The following EFCAB8 variants were observed in gnomAD, a reference collection of about 807,000 sequenced individuals.
EFCAB8 encodes EF-hand calcium-binding domain-containing protein 8.
A neutral mutation model predicts 116.3 loss-of-function variants in EFCAB8; 100 were observed. The observed-to-expected ratio is 0.86, with a 90% CI of 0.73 to 1.02. EFCAB8 has a LOEUF of 1.02. Ranked by LOEUF, EFCAB8 falls within the 50% of genes least tolerant of loss-of-function variation. The pLI is 0.00. For synonymous variants in EFCAB8, 558 were observed against 567.9 expected, an observed-to-expected ratio of 0.98 and a Z score of 0.25; for missense variants, 1,320 against 1,416.9, an observed-to-expected ratio of 0.93 and a Z score of 1.10.
At chr20:32,938,081 GA>G (rs1169116499) in intron 22 of EFCAB8, among the ~76,000 whole-genome samples, 2 of 149,738 alleles carry the variant, frequency 1.3e-5, no homozygotes, top group African/African-American at 5.0e-5. Context: ...CTAGCAAATT[GA>G]AACCAACAAC....
Position 32,917,288 on chromosome 20 carries a change from G to A in EFCAB8, c.1857-13G>A, listed in dbSNP as rs1426134234. 6.5e-7 allele frequency: 1 copy of A among 1,543,914 alleles called. No individual in the cohort carries two copies. The highest frequency in any genetic ancestry group is 2.4e-5 in the East Asian group (1 of 40,882). On this transcript the variant is annotated splice_polypyrimidine_tract_variant and intron_variant, in intron 17 of 26. Transcript: ENST00000400522. ...TGAGCTCTCAGCCCTCCTGCCTCTG[G>A]CCATATGCACAGGTTCCACAAGACC...
In EFCAB8 at chr20:32,909,915, G is replaced by A. The variant is rs1392742830; in HGVS notation, c.1541G>A (p.Ser514Asn). 8.0e-7 allele frequency: 1 copy of A among 1,249,784 alleles called. No individual in the cohort carries two copies. Among genetic ancestry groups the A allele is most frequent in the Non-Finnish European group, 1.0e-6 (1 of 988,218 alleles). 77.4% of individuals were successfully genotyped at this position (1,249,784 alleles called of 1,614,324 possible). A position where few individuals can be genotyped will look rare whatever the true frequency, so the allele number is the denominator to read the frequency against. ...TCACCCCTGTGTGCTGTCCTCTACA[G>A]CAAGATCTTTAAGCAGGTGAGTGGC... Reference protein sequence around the residue: ...HCSPLCAVLYSKIFKQVVSGC... With the variant: ...HCSPLCAVLYNKIFKQVVSGC... Residue 514 changes from serine to asparagine, a missense_variant, in exon 15 of 27, where the codon AGC (serine) becomes AAC (asparagine). Transcript: ENST00000400522.
chr20:32,893,682 T>C (rs1986026738), intron 9 of EFCAB8, among the ~76,000 whole-genome samples: 2 of 151,960 alleles, frequency 1.3e-5, no homozygotes, highest in South Asian at 2.1e-4. Flanking sequence ...CGAGGAGGCA[T>C]GTGCTCTCCT....
intron 23 of EFCAB8, among the ~76,000 whole-genome samples, chr20:32,953,138 C>T (rs1181638006): frequency 2.0e-5 from 3 of 152,140 alleles, no homozygotes; most frequent in African/African-American, 7.2e-5. Context: ...AATATTGTAA[C>T]ATGTGACAAG....
Position 32,960,149 on chromosome 20 carries a change from G to A in EFCAB8, c.3381G>A (p.Trp1127Ter). The A allele has an allele frequency of 6.4e-7, 1 of 1,551,708 alleles. No homozygotes were observed. The highest frequency in any genetic ancestry group is 2.4e-5 in the East Asian group (1 of 40,924). Reference protein sequence around the residue: ...RFLSTRVPYGWMKHQISPQVY... With the variant: ...RFLSTRVPYG ...TGTCCACCAGGGTGCCATATGGCTG[G>A]ATGAAGCATCAGGTAAGGTGGGATG... Residue 1127 changes from tryptophan to a stop codon, truncating the protein, a stop_gained, in exon 26 of 27, where the codon TGG becomes TGA. Coordinates refer to ENST00000400522, the MANE Select transcript of EFCAB8 (RefSeq NM_001143967.2). LOFTEE classifies it low-confidence loss of function (END_TRUNC).
At chr20:32,922,800 C>T (rs961082736) in intron 20 of EFCAB8, among the ~76,000 whole-genome samples, 4 of 150,168 alleles carry the variant, frequency 2.7e-5, no homozygotes, top group South Asian at 2.1e-4. Flanking sequence ...ATGGAATGTT[C>T]GAGAATGAGT....
chr20:32,931,415 A>T, intron 22 of EFCAB8, 79 bp downstream of exon 22: 5 of 1,409,100 alleles, frequency 3.5e-6, no homozygotes, highest in Non-Finnish European at 3.7e-6. Context: ...ACTAACTCAT[A>T]CCCAAGAGAA....
At chr20:32,908,825 G>A (rs1225630059) in intron 14 of EFCAB8, among the ~76,000 whole-genome samples, 1 of 152,170 alleles carries the variant, frequency 6.6e-6, no homozygotes, top group African/African-American at 2.4e-5. Context: ...GGGAAACAGG[G>A]GCCACGTCCG....
chr20:32,886,180 A>G (rs944488346), intron 6 of EFCAB8, among the ~76,000 whole-genome samples: 3 of 152,124 alleles, frequency 2.0e-5, no homozygotes, highest in African/African-American at 7.2e-5. Context: ...CAGTTTTCCC[A>G]TCTGTCAAAT....
chr20:32,878,351 C>T (rs1357506229), intron 4 of EFCAB8, among the ~76,000 whole-genome samples: 1 of 151,972 alleles, frequency 6.6e-6, no homozygotes, highest in Non-Finnish European at 1.5e-5. Context: ...TGTGATCACA[C>T]CACTGCACTC....
chr20:32,887,503 A>C (rs1340128102), intron 6 of EFCAB8, among the ~76,000 whole-genome samples: 1 of 152,164 alleles, frequency 6.6e-6, no homozygotes, highest in African/African-American at 2.4e-5. Context: ...TGGAACCCGG[A>C]GGCAGAGGTT....
intron 22 of EFCAB8, among the ~76,000 whole-genome samples, chr20:32,935,811 A>AT (rs1379378897): frequency 6.6e-6 from 1 of 151,670 alleles, no homozygotes; most frequent in Non-Finnish European, 1.5e-5. Context: ...CACTTTGCTC[A>AT]TTTTCTAATT....
intron 12 of EFCAB8, 61 bp downstream of exon 12, chr20:32,906,690 C>T: frequency 1.4e-6 from 1 of 717,988 alleles, no homozygotes; most frequent in Non-Finnish European, 2.6e-6. Context: ...GATGGGGGGA[C>T]CACCAGAGCT....
intron 21 of EFCAB8, 80 bp downstream of exon 21, chr20:32,930,696 C>G (rs1181676678): frequency 7.5e-7 from 1 of 1,332,350 alleles, no homozygotes; most frequent in East Asian, 2.5e-5. Context: ...ATGGCCCTTG[C>G]CTAGTTCCTA....
At chr20:32,945,370 T>A (rs1382777049) in intron 23 of EFCAB8, among the ~76,000 whole-genome samples, 1 of 152,168 alleles carries the variant, frequency 6.6e-6, no homozygotes, top group Non-Finnish European at 1.5e-5. Flanking sequence ...TTGCCCAGGC[T>A]GGCCTTGAAT....
intron 26 of EFCAB8, among the ~76,000 whole-genome samples, chr20:32,960,684 G>A (rs1989118470): frequency 6.6e-6 from 1 of 152,204 alleles, no homozygotes. Flanking sequence ...GTCTGCCAGG[G>A]GAATATTGTG....
intron 1 of EFCAB8, among the ~76,000 whole-genome samples, chr20:32,859,539 A>T (rs1455684859): frequency 6.6e-6 from 1 of 152,120 alleles, no homozygotes; most frequent in Non-Finnish European, 1.5e-5. Flanking sequence ...CATACATAGA[A>T]CCACTTTCTC....
intron 26 of EFCAB8, among the ~76,000 whole-genome samples, chr20:32,960,765 C>A (rs530974059): frequency 6.6e-6 from 1 of 152,212 alleles, no homozygotes; most frequent in Non-Finnish European, 1.5e-5. Flanking sequence ...CCCTGCAGGG[C>A]CCCCCTGTCT....
At chr20:32,863,106 C>T (rs1480245965) in intron 1 of EFCAB8, among the ~76,000 whole-genome samples, 1 of 152,080 alleles carries the variant, frequency 6.6e-6, no homozygotes, top group Non-Finnish European at 1.5e-5. Context: ...GGTCTGCCCC[C>T]TGTGCGTGTC....
Sources: allele counts gnomAD v4.1 joint callset (sites outside exome capture counted in the v4.1 genomes callset), GRCh38; gene constraint gnomAD v4.1.1; transcripts MANE v1.5; gene names NCBI Gene and HGNC (gene_info 2026-07-23, HGNC 2026-07-21).